Variants in SDAD1 observed in about 807,000 individuals in gnomAD.
SDAD1 encodes the protein SDA1 domain containing 1, also known as protein SDA1 homolog.
A neutral mutation model predicts 100.3 loss-of-function variants in SDAD1; 79 were observed. The observed-to-expected ratio is 0.79, with a 90% CI of 0.66 to 0.95. The LOEUF is 0.95. SDAD1 is among the 40% of genes least tolerant of loss of function. SDAD1 has a pLI of 0.00. For missense variants in SDAD1, 790 were observed against 810.9 expected (o/e 0.97, Z 0.31); for synonymous variants, 267 against 271.4 (o/e 0.98, Z 0.16).
At chr4:75,972,355 G>C (rs182686391) in intron 8 of SDAD1, among the ~76,000 whole-genome samples, 1 of 150,028 alleles carries the variant, frequency 6.7e-6, no homozygotes, top group South Asian at 2.1e-4. Flanking sequence ...CTTTAGGTCC[G>C]TGCCATCTTT....
chr4:75,956,937 T>G (rs1306240074), intron 20 of SDAD1, among the ~76,000 whole-genome samples: 1 of 152,034 alleles, frequency 6.6e-6, no homozygotes, highest in Non-Finnish European at 1.5e-5. Context: ...TGGCGAAACC[T>G]TGACTCTACT....
intron 6 of SDAD1, among the ~76,000 whole-genome samples, chr4:75,975,425 T>C (rs765495175): frequency 2.0e-5 from 3 of 152,208 alleles, no homozygotes; most frequent in Non-Finnish European, 4.4e-5. Flanking sequence ...TGCCTCTTAA[T>C]AGCTAAACTT....
intron 13 of SDAD1, among the ~76,000 whole-genome samples, 198 bp from the exon 14 acceptor site, chr4:75,964,409 T>G (rs1729422633): frequency 6.6e-6 from 1 of 152,238 alleles, no homozygotes; most frequent in South Asian, 2.1e-4. Flanking sequence ...TTGGCTATCC[T>G]CAGACTAAAT....
chr4:75,983,228 T>C (rs1730654594), intron 1 of SDAD1, among the ~76,000 whole-genome samples: 1 of 152,220 alleles, frequency 6.6e-6, no homozygotes, highest in Non-Finnish European at 1.5e-5. Flanking sequence ...GTCTTTGCTA[T>C]TGTGAATAGT....
chr4:75,972,421 C>T (rs1578134307), intron 8 of SDAD1, among the ~76,000 whole-genome samples: 1 of 150,240 alleles, frequency 6.7e-6, no homozygotes, highest in Non-Finnish European at 1.5e-5. Flanking sequence ...AAAAAACACA[C>T]AAACAAAGAC....
Position 75,981,969 on chromosome 4 carries a change from G to C in SDAD1, c.159C>G (p.Ser53Arg), listed in dbSNP as rs766627044. The C allele has an allele frequency of 6.2e-7, 1 of 1,611,526 alleles. No individual in the cohort carries two copies. Among genetic ancestry groups the C allele is most frequent in the African/African-American group, 1.3e-5 (1 of 74,836 alleles). Residue 53 changes from serine to arginine, a missense_variant, in exon 2 of 22, where the codon AGC becomes AGG. By Grantham distance (110) the Ser-to-Arg change is moderately radical. Coordinates refer to ENST00000356260, the MANE Select transcript of SDAD1 (RefSeq NM_018115.4). Reference sequence around the variant, plus strand: ...ACATCACCAGCTCTGCTAGTTCTTTGCTGGGTTTATTTGGTTGCAATTTGA... The same window carrying C: ...ACATCACCAGCTCTGCTAGTTCTTTCCTGGGTTTATTTGGTTGCAATTTGA... ...EIFKLQPNKP[S>R]KELAELVMFM...
At chr4:75,981,281 T>A in intron 3 of SDAD1, 91 bp downstream of exon 3, 1 of 1,169,686 alleles carries the variant, frequency 8.5e-7, no homozygotes, top group African/African-American at 1.6e-5. Flanking sequence ...TTTCTGAAGA[T>A]AATTAGCTTA....
intron 13 of SDAD1, among the ~76,000 whole-genome samples, 192 bp downstream of exon 13, chr4:75,965,572 C>G (rs966574122): frequency 6.6e-6 from 1 of 151,972 alleles, no homozygotes; most frequent in East Asian, 1.9e-4. Flanking sequence ...TGTGATGTCT[C>G]CCCTGGACGC....
chr4:75,967,070 G>A (rs1450613700), intron 12 of SDAD1, among the ~76,000 whole-genome samples: 1 of 152,100 alleles, frequency 6.6e-6, no homozygotes, highest in Non-Finnish European at 1.5e-5. Context: ...CCCGGCAGTT[G>A]TTGTTGTTTT....
chr4:75,970,459 A>G lies in SDAD1; in HGVS notation c.814-81T>C, dbSNP rs1046745595. 13 of 1,053,344 alleles carry G rather than the reference A, an allele frequency of 1.2e-5. 1 individual carries two copies. The highest frequency in any genetic ancestry group is 4.1e-5 in the Admixed American group (2 of 49,282). The allele number at this position is 1,053,344 out of a possible 1,614,324, so 65.2% of individuals were successfully genotyped here. ...AACTTAATGTGCTAATAAGGCTGTT[A>G]TAAGTCCATTAGACTCTTTAAAAAG... On this transcript the variant is annotated intron_variant, in intron 9 of 21. Coordinates refer to ENST00000356260, the MANE Select transcript of SDAD1 (RefSeq NM_018115.4).
chr4:75,963,449 G>T (rs1359737349), intron 14 of SDAD1, among the ~76,000 whole-genome samples: 1 of 152,132 alleles, frequency 6.6e-6, no homozygotes, highest in Non-Finnish European at 1.5e-5. Context: ...GCTTGATGGG[G>T]ATGGCATTGA....
At position 75,981,952 on chromosome 4, in the gene SDAD1, A is replaced by T; in HGVS notation, c.176T>A (p.Leu59Gln). 1.2e-6 allele frequency: 2 copies of T among 1,609,806 alleles called. No individual in the cohort carries two copies. Among genetic ancestry groups the T allele is most frequent in the East Asian group, 2.2e-5 (1 of 44,814 alleles). ...PNKPSKELAELVMFMAQISHC... is the reference protein window; with the variant it reads ...PNKPSKELAEQVMFMAQISHC... ...TCTTACCTGTGCCATAAACATCACC[A>T]GCTCTGCTAGTTCTTTGCTGGGTTT... Residue 59 changes from leucine (L) to glutamine (Q), a missense_variant, in exon 2 of 22, where the codon CTG becomes CAG. By Grantham distance (113) the Leu-to-Gln change is moderately radical (BLOSUM62 -2). Coordinates refer to ENST00000356260, the MANE Select transcript of SDAD1 (RefSeq NM_018115.4).
chr4:75,981,853 A>G (rs1159705506), intron 2 of SDAD1, 80 bp downstream of exon 2: 18 of 1,017,600 alleles, frequency 1.8e-5, no homozygotes, highest in Middle Eastern at 3.2e-4. Flanking sequence ...CCAGAGTGGA[A>G]TAAGGTTGAG....
intron 21 of SDAD1, among the ~76,000 whole-genome samples, 199 bp downstream of exon 21, chr4:75,955,776 A>T (rs1037039822): frequency 6.6e-6 from 1 of 151,988 alleles, no homozygotes; most frequent in African/African-American, 2.4e-5. Flanking sequence ...GGATTTACAT[A>T]CCCTGAATCC....
At chr4:75,953,956 C>T (rs1026928985) in intron 21 of SDAD1, among the ~76,000 whole-genome samples, 6 of 152,188 alleles carry the variant, frequency 3.9e-5, no homozygotes, top group Non-Finnish European at 5.9e-5. Context: ...ATCCCAAAGC[C>T]TGTAAACATC....
chr4:75,951,781 A>G (rs1728641526), intron 21 of SDAD1, among the ~76,000 whole-genome samples: 1 of 152,202 alleles, frequency 6.6e-6, no homozygotes, highest in Non-Finnish European at 1.5e-5. Flanking sequence ...AATAAACCAA[A>G]ATTAAAGTTA....
In SDAD1 at chr4:75,956,070, T is replaced by A; in HGVS notation, c.1921A>T (p.Thr641Ser). The change falls in exon 21 of 22, where the codon ACA (threonine) becomes TCA (serine). Residue 641 changes from threonine (T) to serine (S), a missense_variant. Coordinates refer to ENST00000356260, the MANE Select transcript of SDAD1 (RefSeq NM_018115.4). ...TTCTGTTTTTTCTTCTCTTTATTTG[T>A]CGAACTGGAAAATGGATTTGTTTTG... ...KTKTNPFSSS[T>S]NKEKKKQKNF... is the part of the protein sequence containing the mutation. The A allele has an allele frequency of 1.2e-6, 2 of 1,613,714 alleles. No individual in the cohort carries two copies. Among genetic ancestry groups the A allele is most frequent in the Non-Finnish European group, 1.7e-6 (2 of 1,179,916 alleles).
chr4:75,986,627 G>T (rs1730910709), intron 1 of SDAD1, among the ~76,000 whole-genome samples: 1 of 152,056 alleles, frequency 6.6e-6, no homozygotes, highest in East Asian at 1.9e-4. Flanking sequence ...TGCTTCACTA[G>T]TCCCCACCTC....
chr4:75,989,393 A>G (rs548303633), intron 1 of SDAD1, among the ~76,000 whole-genome samples: 2 of 152,234 alleles, frequency 1.3e-5, no homozygotes, highest in South Asian at 4.1e-4. Flanking sequence ...CTCTACCATA[A>G]TAAGTCTACA....
Sources: gnomAD v4.1 joint callset for allele counts (sites outside exome capture counted in the v4.1 genomes callset) on GRCh38, gnomAD v4.1.1 for gene constraint, MANE v1.5 for transcripts, NCBI Gene and HGNC (gene_info 2026-07-23, HGNC 2026-07-21) for gene names.